Variants in ARHGAP15 observed in about 807,000 individuals in gnomAD.
The protein encoded by ARHGAP15 is Rho GTPase activating protein 15, also known as rho GTPase-activating protein 15.
Under a neutral mutation model 63.7 loss-of-function variants are expected in ARHGAP15, and 51 were observed. That is an observed-to-expected ratio of 0.80 (90% CI 0.64 to 1.01). The LOEUF (loss-of-function observed/expected upper bound fraction) is 1.01, where lower values mean the gene tolerates loss of function less well. ARHGAP15 is among the 50% of genes least tolerant of loss of function. ARHGAP15 has a pLI of 0.00. For synonymous variants in ARHGAP15, 191 were observed against 193.8 expected (o/e 0.99, Z 0.12); for missense variants, 560 against 564.6 (o/e 0.99, Z 0.08).
At chr2:143,689,395 C>G (rs1167323044) in intron 12 of ARHGAP15, among the ~76,000 whole-genome samples, 1 of 152,064 alleles carries the variant, frequency 6.6e-6, no homozygotes, top group Non-Finnish European at 1.5e-5. Flanking sequence ...TCTTAATTGT[C>G]TAGCAGTTAC....
chr2:143,480,567 C>G (rs1255277119), intron 8 of ARHGAP15, among the ~76,000 whole-genome samples: 3 of 152,178 alleles, frequency 2.0e-5, no homozygotes, highest in Non-Finnish European at 4.4e-5. Context: ...TCAATTATTT[C>G]CAGATTTAAT....
At chr2:143,747,112 G>A (rs1039898551) in intron 13 of ARHGAP15, among the ~76,000 whole-genome samples, 3 of 151,998 alleles carry the variant, frequency 2.0e-5, no homozygotes, top group African/African-American at 7.3e-5. Context: ...AAGAGCATTA[G>A]GACAAATACC....
At chr2:143,691,935 T>C (rs1241759401) in intron 12 of ARHGAP15, among the ~76,000 whole-genome samples, 1 of 152,228 alleles carries the variant, frequency 6.6e-6, no homozygotes, top group African/African-American at 2.4e-5. Flanking sequence ...TTTTAAGCTA[T>C]TATTGCCAAT....
intron 6 of ARHGAP15, among the ~76,000 whole-genome samples, chr2:143,298,306 A>G (rs1010812985): frequency 6.6e-6 from 1 of 151,930 alleles, no homozygotes; most frequent in African/African-American, 2.4e-5. Flanking sequence ...TTACACCTCA[A>G]ATTGATGTAA....
intron 10 of ARHGAP15, among the ~76,000 whole-genome samples, chr2:143,540,936 T>G (rs1179059127): frequency 6.6e-6 from 1 of 152,226 alleles, no homozygotes; most frequent in Non-Finnish European, 1.5e-5. Context: ...CTTGCTAGAT[T>G]GGGGAAGTTC....
intron 12 of ARHGAP15, among the ~76,000 whole-genome samples, chr2:143,629,624 G>C (rs2105251876): frequency 6.6e-6 from 1 of 152,052 alleles, no homozygotes; most frequent in African/African-American, 2.4e-5. Flanking sequence ...CAGATCCAAA[G>C]AAAAAAGACA....
At chr2:143,220,384 A>C (rs1157736929) in intron 4 of ARHGAP15, among the ~76,000 whole-genome samples, 1 of 152,066 alleles carries the variant, frequency 6.6e-6, no homozygotes, top group East Asian at 1.9e-4. Flanking sequence ...ATTATTTTGT[A>C]TTTTTAGTAG....
chr2:143,170,801 T>C (rs1690745614), intron 2 of ARHGAP15, among the ~76,000 whole-genome samples: 2 of 152,178 alleles, frequency 1.3e-5, no homozygotes, highest in African/African-American at 4.8e-5. Context: ...CATTTCTTTC[T>C]GCTTTATTTT....
chr2:143,239,710 G>T (rs558943533), intron 5 of ARHGAP15, among the ~76,000 whole-genome samples: 78 of 152,202 alleles, frequency 5.1e-4, no homozygotes, highest in African/African-American at 1.7e-3. Flanking sequence ...TAAAAGATTA[G>T]TTGGGTGCAG....
chr2:143,666,224 T>C (rs1416905934), intron 12 of ARHGAP15, among the ~76,000 whole-genome samples: 2 of 147,644 alleles, frequency 1.4e-5, no homozygotes, highest in Non-Finnish European at 3.0e-5. Context: ...AACAGAGATA[T>C]AGATCAATGG....
chr2:143,227,769 T>C (rs888681465), intron 4 of ARHGAP15, among the ~76,000 whole-genome samples: 1 of 152,198 alleles, frequency 6.6e-6, no homozygotes, highest in Non-Finnish European at 1.5e-5. Flanking sequence ...ATGTATGGAA[T>C]TAACAAGTAA....
intron 6 of ARHGAP15, among the ~76,000 whole-genome samples, chr2:143,310,504 T>C (rs1683394175): frequency 6.6e-6 from 1 of 152,016 alleles, no homozygotes; most frequent in African/African-American, 2.4e-5. Flanking sequence ...ATATTTATTT[T>C]CCATGGATCG....
At chr2:143,729,270 A>G (rs1180558083) in intron 13 of ARHGAP15, among the ~76,000 whole-genome samples, 1 of 152,228 alleles carries the variant, frequency 6.6e-6, no homozygotes, top group Non-Finnish European at 1.5e-5. Context: ...GGCATCTACA[A>G]TAACACTTTT....
intron 2 of ARHGAP15, among the ~76,000 whole-genome samples, chr2:143,181,325 A>G (rs1691228150): frequency 6.6e-6 from 1 of 152,216 alleles, no homozygotes; most frequent in Non-Finnish European, 1.5e-5. Flanking sequence ...CACTGGCTTC[A>G]ACTTAAAGAC....
At chr2:143,456,566 G>A (rs368926362) in intron 8 of ARHGAP15, among the ~76,000 whole-genome samples, 1 of 151,824 alleles carries the variant, frequency 6.6e-6, no homozygotes, top group African/African-American at 2.4e-5. Context: ...ATAAAATTTT[G>A]TATTCACCAT....
chr2:143,767,630 T>C (rs1225311641), intron 13 of ARHGAP15, among the ~76,000 whole-genome samples: 1 of 152,200 alleles, frequency 6.6e-6, no homozygotes, highest in African/African-American at 2.4e-5. Context: ...CTTATATATA[T>C]ATTTTTTTGC....
chr2:143,272,710 A>G (rs1681351035), intron 6 of ARHGAP15, among the ~76,000 whole-genome samples: 1 of 152,180 alleles, frequency 6.6e-6, no homozygotes, highest in South Asian at 2.1e-4. Context: ...CAGGTGATCT[A>G]AAGTATTTAG....
At chr2:143,158,769 AC>A in intron 2 of ARHGAP15, among the ~76,000 whole-genome samples, 1 of 152,040 alleles carries the variant, frequency 6.6e-6, no homozygotes, top group East Asian at 1.9e-4. Context: ...CAGCTTATTT[AC>A]CAGAATGTGC....
At chr2:143,343,770 G>A (rs1685158300) in intron 6 of ARHGAP15, among the ~76,000 whole-genome samples, 1 of 152,052 alleles carries the variant, frequency 6.6e-6, no homozygotes, top group South Asian at 2.1e-4. Context: ...AAATTGGGGA[G>A]CTTTCTCTAA....
Sources: allele counts gnomAD v4.1 joint callset (sites outside exome capture counted in the v4.1 genomes callset), GRCh38; gene constraint gnomAD v4.1.1; transcripts MANE v1.5; gene names NCBI Gene and HGNC (gene_info 2026-07-23, HGNC 2026-07-21).